KCNMA1: variants seen among roughly 807,000 people sequenced by gnomAD.
KCNMA1 encodes the protein Calcium-activated potassium channel subunit alpha-1.
A neutral mutation model predicts 140.0 loss-of-function variants in KCNMA1; 29 were observed. The observed-to-expected ratio is 0.21, with a 90% CI of 0.15 to 0.28. KCNMA1 has a LOEUF of 0.28. KCNMA1 is among the 10% of genes least tolerant of loss of function. The pLI, the probability that KCNMA1 is intolerant of heterozygous loss-of-function variation, is 1.00. For synonymous variants in KCNMA1, 612 were observed against 611.9 expected, an observed-to-expected ratio of 1.00 and a Z score of 0.00; for missense variants, 880 against 1,602.2, an observed-to-expected ratio of 0.55 and a Z score of 7.70.
intron 1 of KCNMA1, among the ~76,000 whole-genome samples, chr10:77,496,419 A>G (rs1271913010): frequency 6.6e-6 from 1 of 151,902 alleles, no homozygotes; most frequent in Non-Finnish European, 1.5e-5. Flanking sequence ...ACATGGTGAA[A>G]CCCCGTCTCT....
intron 5 of KCNMA1, among the ~76,000 whole-genome samples, chr10:77,156,352 G>C (rs1431701811): frequency 2.0e-5 from 3 of 151,040 alleles, no homozygotes; most frequent in Non-Finnish European, 4.4e-5. Flanking sequence ...ACAAAGTTTA[G>C]CGATTGCTTC....
chr10:77,486,567 G>A (rs928511947), intron 1 of KCNMA1, among the ~76,000 whole-genome samples: 5 of 152,280 alleles, frequency 3.3e-5, no homozygotes, highest in Middle Eastern at 3.4e-3. Flanking sequence ...CAATCTGTTC[G>A]TGAATCTAAG....
chr10:76,960,004 G>A (rs1468234105), intron 20 of KCNMA1, among the ~76,000 whole-genome samples: 1 of 152,192 alleles, frequency 6.6e-6, no homozygotes. Flanking sequence ...GGCCAGTGCT[G>A]CAGGGTGCCC....
In KCNMA1 at chr10:77,275,659, A is replaced by G. The variant is rs543517750; in HGVS notation, c.541-24403T>C. On this transcript the variant is annotated intron_variant, in intron 2 of 27. Coordinates refer to ENST00000286628, the MANE Select transcript of KCNMA1 (RefSeq NM_001161352.2). ...GCCTAACCACTCACAGGCAAAAGAC[A>G]TAAGACTACAACAGACCCCACAAAA... Among the ~76,000 whole-genome samples, 4 of 152,354 alleles carry G rather than the reference A, an allele frequency of 2.6e-5. No homozygotes were observed. The South Asian group carries it at 8.3e-4, about 32-fold the overall frequency.
At chr10:76,876,682 A>G (rs1460080193), downstream of KCNMA1, 4 of 152,214 alleles carry the variant, frequency 2.6e-5, no homozygotes, top group South Asian at 6.2e-4. Context: ...ATCTGTCTCC[A>G]TGATTGTAGA....
chr10:77,241,199 T>A (rs2057176529), intron 3 of KCNMA1, among the ~76,000 whole-genome samples: 1 of 152,226 alleles, frequency 6.6e-6, no homozygotes, highest in African/African-American at 2.4e-5. Context: ...AGGATGGGGC[T>A]GTTGGAAAGG....
chr10:77,316,975 G>C (rs1349267695), intron 2 of KCNMA1, among the ~76,000 whole-genome samples: 1 of 152,104 alleles, frequency 6.6e-6, no homozygotes, highest in Non-Finnish European at 1.5e-5. Context: ...ACTTCTTTCT[G>C]GGTCATGCCC....
In KCNMA1 at chr10:76,885,460, T is replaced by C. The variant is rs2036477282; in HGVS notation, c.*1806A>G. The C allele has an allele frequency of 2.0e-6, 2 of 985,236 alleles. No homozygotes were observed. The highest frequency in any genetic ancestry group is 2.4e-6 in the Non-Finnish European group (2 of 829,914). 61.0% of individuals were successfully genotyped at this position (985,236 alleles called of 1,614,324 possible). On this transcript the variant is annotated 3_prime_UTR_variant, in exon 28 of 28. Transcript: ENST00000286628. ...GGAGGTTCTGACTGAGCCTCACCAT[T>C]TGTCAGTAAAAGTGCTTGTCAATTC...
chr10:77,196,592 G>GA (rs745538848), intron 3 of KCNMA1, among the ~76,000 whole-genome samples: 152 of 152,258 alleles, frequency 1.0e-3, no homozygotes, highest in Middle Eastern at 6.8e-3. Context: ...AGAATAGGAG[G>GA]AAAAAGGACT....
chr10:77,478,127 A>G (rs2098315104), intron 1 of KCNMA1, among the ~76,000 whole-genome samples: 1 of 152,198 alleles, frequency 6.6e-6, no homozygotes, highest in African/African-American at 2.4e-5. Context: ...TTTATGCTCT[A>G]TGAATTCTTG....
intron 2 of KCNMA1, among the ~76,000 whole-genome samples, chr10:77,255,690 G>GA (rs2060578911): frequency 6.6e-6 from 1 of 151,968 alleles, no homozygotes; most frequent in African/African-American, 2.4e-5. Context: ...GAGGTGGGGG[G>GA]ATCACGAGGT....
intron 1 of KCNMA1, among the ~76,000 whole-genome samples, chr10:77,412,535 G>C (rs919870718): frequency 6.6e-6 from 1 of 152,174 alleles, no homozygotes; most frequent in Non-Finnish European, 1.5e-5. Flanking sequence ...GGCACAGGCT[G>C]TGTGCCCTGG....
chr10:77,090,373 G>C, intron 10 of KCNMA1, 27 bp downstream of exon 10: 1 of 1,432,838 alleles, frequency 7.0e-7, no homozygotes, highest in Non-Finnish European at 9.9e-7. Context: ...TTGGGCAGAG[G>C]GTCTGACAGC....
intron 20 of KCNMA1, among the ~76,000 whole-genome samples, chr10:76,964,028 T>C (rs1490609738): frequency 1.3e-5 from 2 of 152,022 alleles, no homozygotes; most frequent in Admixed American, 6.5e-5. Context: ...GTGATTACTA[T>C]TTCCTGATAC....
At chr10:76,924,082 C>T (rs2056909832) in intron 23 of KCNMA1, among the ~76,000 whole-genome samples, 2 of 152,148 alleles carry the variant, frequency 1.3e-5, no homozygotes, top group African/African-American at 2.4e-5. Context: ...CCACTTTGGC[C>T]TAAGCAATTG....
At chr10:76,935,774 C>T (rs2060399666) in intron 23 of KCNMA1, among the ~76,000 whole-genome samples, 1 of 152,226 alleles carries the variant, frequency 6.6e-6, no homozygotes, top group Non-Finnish European at 1.5e-5. Flanking sequence ...GATTTCCCTT[C>T]ACGACAGTTG....
rs1241497295 is a variant in KCNMA1, at chr10:76,886,816, G to A, written c.*450C>T. ...AAATAAACATGTGCTAACTTATTGT[G>A]TGTATAAAAAAAGAAAGAAAGGAAA... is the stretch of plus-strand genomic sequence containing the variant. On this transcript the variant is annotated 3_prime_UTR_variant, in exon 28 of 28. Transcript: ENST00000286628. 25 of 1,081,954 alleles carry A rather than the reference G, an allele frequency of 2.3e-5. No individual in the cohort carries two copies. The highest frequency in any genetic ancestry group is 2.8e-5 in the Non-Finnish European group (25 of 888,162). The allele number at this position is 1,081,954 out of a possible 1,614,324, so 67.0% of individuals were successfully genotyped here. A position where few individuals can be genotyped will look rare whatever the true frequency, so the allele number is the denominator to read the frequency against.
chr10:77,283,437 C>T (rs1025586894), intron 2 of KCNMA1, among the ~76,000 whole-genome samples: 11 of 152,182 alleles, frequency 7.2e-5, no homozygotes, highest in East Asian at 3.9e-4. Flanking sequence ...CCACAGCTAA[C>T]CAAGATGGTG....
intron 2 of KCNMA1, among the ~76,000 whole-genome samples, chr10:77,369,675 G>C (rs564530487): frequency 6.6e-6 from 1 of 152,254 alleles, no homozygotes; most frequent in Admixed American, 6.5e-5. Context: ...CCAGGAGCTA[G>C]AACAACATTC....
Sources: gnomAD v4.1 joint callset for allele counts (sites outside exome capture counted in the v4.1 genomes callset) on GRCh38, gnomAD v4.1.1 for gene constraint, MANE v1.5 for transcripts, NCBI Gene and HGNC (gene_info 2026-07-23, HGNC 2026-07-21) for gene names.